The following RORA variants were observed in gnomAD, a reference collection of about 807,000 sequenced individuals.
RORA encodes the protein nuclear receptor ROR-alpha.
A neutral mutation model predicts 69.5 loss-of-function variants in RORA; 7 were observed. That is an observed-to-expected ratio of 0.10 (90% CI 0.06 to 0.19). RORA has a LOEUF of 0.19. Ranked by LOEUF, RORA falls within the 10% of genes least tolerant of loss-of-function variation. RORA has a pLI of 1.00. For synonymous variants in RORA, 261 were observed against 240.8 expected, an observed-to-expected ratio of 1.08 and a Z score of -0.78; for missense variants, 457 against 663.0, an observed-to-expected ratio of 0.69 and a Z score of 3.41.
At chr15:60,884,250 C>T (rs1244792724) in intron 1 of RORA, among the ~76,000 whole-genome samples, 1 of 151,922 alleles carries the variant, frequency 6.6e-6, no homozygotes, top group Non-Finnish European at 1.5e-5. Context: ...ATGGCACAGA[C>T]ATGAGAGGCT....
Position 60,654,965 on chromosome 15 carries a change from T to G in RORA, c.196+23692A>C, listed in dbSNP as rs1187371811. ...TTTAAGAGAATAGTTTTGCATTGTTTTAAGTCCCGAGTTTGTGGTATTTTG... is the reference window on the plus strand; with the variant it reads ...TTTAAGAGAATAGTTTTGCATTGTTGTAAGTCCCGAGTTTGTGGTATTTTG... On this transcript the variant is annotated intron_variant, in intron 2 of 10. Transcript: ENST00000335670. Among the ~76,000 whole-genome samples the G allele has an allele frequency of 2.6e-5, 4 of 152,332 alleles. No individual in the cohort carries two copies. In the South Asian group the frequency reaches 8.3e-4, roughly 32 times the overall value.
chr15:61,042,394 CAT>C (rs1198433101), intron 1 of RORA, among the ~76,000 whole-genome samples: 3 of 151,948 alleles, frequency 2.0e-5, no homozygotes, highest in African/African-American at 4.8e-5. Flanking sequence ...CACACACACA[CAT>C]ACACACAAAC....
intron 3 of RORA, among the ~76,000 whole-genome samples, chr15:60,522,262 A>G (rs1293073305): frequency 1.3e-5 from 2 of 152,198 alleles, no homozygotes; most frequent in East Asian, 3.8e-4. Context: ...TGGAAATACT[A>G]TACCATGCTG....
chr15:60,955,672 T>C (rs1041165879), intron 1 of RORA, among the ~76,000 whole-genome samples: 2 of 152,206 alleles, frequency 1.3e-5, no homozygotes, highest in Non-Finnish European at 2.9e-5. Flanking sequence ...CTGCTGTCTT[T>C]TGCTGGAGAA....
intron 1 of RORA, among the ~76,000 whole-genome samples, chr15:60,820,103 T>C (rs1219394232): frequency 6.6e-6 from 1 of 152,230 alleles, no homozygotes; most frequent in South Asian, 2.1e-4. Flanking sequence ...TTCCCTGCTA[T>C]CTTTGATTGG....
At chr15:61,123,564 G>A (rs1028988557) in intron 1 of RORA, among the ~76,000 whole-genome samples, 3 of 152,300 alleles carry the variant, frequency 2.0e-5, no homozygotes, top group South Asian at 2.1e-4. Flanking sequence ...TCACCCACTG[G>A]TTCTAGATGC....
chr15:60,716,378 C>A (rs1355377143), intron 1 of RORA, among the ~76,000 whole-genome samples: 1 of 152,170 alleles, frequency 6.6e-6, no homozygotes, highest in Non-Finnish European at 1.5e-5. Context: ...CTTGCAGTTG[C>A]AAACCTAAAG....
intron 1 of RORA, among the ~76,000 whole-genome samples, chr15:61,136,154 G>A (rs1376175024): frequency 2.0e-5 from 3 of 152,128 alleles, no homozygotes; most frequent in African/African-American, 7.2e-5. Context: ...CCTGGCCATA[G>A]AAGCACAGAA....
At chr15:60,794,684 A>ATCATTAAT (rs2072466388) in intron 1 of RORA, among the ~76,000 whole-genome samples, 1 of 152,250 alleles carries the variant, frequency 6.6e-6, no homozygotes, top group South Asian at 2.1e-4. Context: ...CAAAATGGCA[A>ATCATTAAT]TCATTAATTT....
chr15:61,187,232 T>C (rs1368559218), intron 1 of RORA, among the ~76,000 whole-genome samples: 1 of 152,196 alleles, frequency 6.6e-6, no homozygotes, highest in East Asian at 1.9e-4. Context: ...ACAGAGAATA[T>C]CCCCGTTACT....
chr15:61,064,095 C>T (rs2078224044), intron 1 of RORA, among the ~76,000 whole-genome samples: 1 of 152,180 alleles, frequency 6.6e-6, no homozygotes, highest in Non-Finnish European at 1.5e-5. Context: ...CAAAAGTCAA[C>T]ACAGTACATT....
chr15:60,699,255 A>G (rs1179844062), intron 1 of RORA, among the ~76,000 whole-genome samples: 1 of 152,130 alleles, frequency 6.6e-6, no homozygotes, highest in Non-Finnish European at 1.5e-5. Flanking sequence ...TATTGCAAAA[A>G]TATATTCACC....
intron 3 of RORA, among the ~76,000 whole-genome samples, chr15:60,524,353 A>G (rs772677959): frequency 2.6e-5 from 4 of 152,212 alleles, no homozygotes; most frequent in Non-Finnish European, 5.9e-5. Flanking sequence ...TTCTCTGCTG[A>G]TGAGCCCTTA....
chr15:60,999,410 A>G (rs1399309598), intron 1 of RORA, among the ~76,000 whole-genome samples: 1 of 152,174 alleles, frequency 6.6e-6, no homozygotes, highest in Non-Finnish European at 1.5e-5. Flanking sequence ...CCTGGCACAG[A>G]CCTGGAATCT....
intron 1 of RORA, among the ~76,000 whole-genome samples, chr15:60,850,842 G>T (rs1423336592): frequency 1.3e-5 from 2 of 152,184 alleles, no homozygotes; most frequent in Non-Finnish European, 2.9e-5. Flanking sequence ...CTTGCTTTGG[G>T]AATGTTTCAA....
intron 1 of RORA, among the ~76,000 whole-genome samples, chr15:61,047,890 C>A (rs1405630978): frequency 6.6e-6 from 1 of 152,164 alleles, no homozygotes; most frequent in Admixed American, 6.5e-5. Context: ...GCATTTCTTG[C>A]GGACCCATTT....
intron 1 of RORA, among the ~76,000 whole-genome samples, chr15:60,798,253 CA>C (rs2072526804): frequency 5.4e-5 from 8 of 146,930 alleles, no homozygotes; most frequent in Admixed American, 4.0e-4. Context: ...CACACACACA[CA>C]CACACACACA....
intron 1 of RORA, among the ~76,000 whole-genome samples, chr15:60,966,404 G>T (rs1428245048): frequency 6.6e-6 from 1 of 152,136 alleles, no homozygotes; most frequent in Non-Finnish European, 1.5e-5. Context: ...TTATTTCCCA[G>T]CTGGCTCGCA....
chr15:60,867,644 A>G (rs1223657567), intron 1 of RORA, among the ~76,000 whole-genome samples: 1 of 152,158 alleles, frequency 6.6e-6, no homozygotes, highest in Non-Finnish European at 1.5e-5. Flanking sequence ...ATTAGAGCCT[A>G]AGTGTATCAA....
Sources: allele counts gnomAD v4.1 joint callset (sites outside exome capture counted in the v4.1 genomes callset), GRCh38; gene constraint gnomAD v4.1.1; transcripts MANE v1.5; gene names NCBI Gene and HGNC (gene_info 2026-07-23, HGNC 2026-07-21).